PTPRT: variants seen among roughly 807,000 people sequenced by gnomAD.
The protein encoded by PTPRT is receptor-type tyrosine-protein phosphatase T.
In PTPRT, 56 loss-of-function variants were observed where a neutral mutation model predicts 176.8. The observed-to-expected ratio is 0.32, with a 90% CI of 0.26 to 0.40. The LOEUF (loss-of-function observed/expected upper bound fraction) is 0.40, where lower values mean the gene tolerates loss of function less well. Among genes scored for constraint, PTPRT ranks in the 10% least tolerant of loss-of-function variants. The pLI, the probability that PTPRT is intolerant of heterozygous loss-of-function variation, is 1.00. For synonymous variants in PTPRT, 783 were observed against 739.0 expected (o/e 1.06, Z -0.96); for missense variants, 1,540 against 1,908.2 (o/e 0.81, Z 3.60).
chr20:42,172,617 G>C (rs887271469), intron 16 of PTPRT, among the ~76,000 whole-genome samples: 1 of 152,144 alleles, frequency 6.6e-6, no homozygotes, highest in Non-Finnish European at 1.5e-5. Context: ...CCTTCACCCA[G>C]TTTTCCCCAA....
Position 42,104,600 on chromosome 20 carries a change from G to A in PTPRT, c.3509C>T (p.Thr1170Ile), listed in dbSNP as rs879765348. The A allele has an allele frequency of 6.2e-7, 1 of 1,613,000 alleles. No individual in the cohort carries two copies. Among genetic ancestry groups the A allele is most frequent in the Non-Finnish European group, 8.5e-7 (1 of 1,179,042 alleles). Reference sequence around the variant, plus strand: ...TTCATCTTTGATTTGGCTGGAGTTTGTCTGGGGGTCCAGCCTGCTGATATT... The same window carrying A: ...TTCATCTTTGATTTGGCTGGAGTTTATCTGGGGGTCCAGCCTGCTGATATT... ...YYNISRLDPQTNSSQIKDEFQ... is the reference protein window; with the variant it reads ...YYNISRLDPQINSSQIKDEFQ... The change falls in exon 25 of 31, where the codon ACA becomes ATA. Residue 1170 changes from threonine to isoleucine, a missense_variant. Coordinates refer to ENST00000373187, the MANE Select transcript of PTPRT (RefSeq NM_007050.6).
rs79059055 is a variant in PTPRT at position 42,477,393 on chromosome 20, ATTT to A, written c.1154-4834_1154-4832del. On this transcript the variant is annotated intron_variant, in intron 7 of 30. Coordinates refer to ENST00000373187, the MANE Select transcript of PTPRT (RefSeq NM_007050.6). ...CTTTAAGGGTAATATATATATATATATTTTTTTTGCATTCAAGCAAGAGAATAT... is the reference window on the plus strand; with the variant it reads ...CTTTAAGGGTAATATATATATATATATTTTTGCATTCAAGCAAGAGAATAT... 7.9e-3 allele frequency among the ~76,000 whole-genome samples: 1,201 copies of A among 151,302 alleles called. 11 individuals are homozygous for A. Among genetic ancestry groups the A allele is most frequent in the Middle Eastern group, 0.014 (4 of 292 alleles).
intron 6 of PTPRT, among the ~76,000 whole-genome samples, chr20:42,739,607 G>C (rs151176180): frequency 6.6e-6 from 1 of 152,312 alleles, no homozygotes; most frequent in East Asian, 1.9e-4. Context: ...GGCAGAAAGA[G>C]AAGCTGAGAG....
At chr20:43,188,742 C>G in intron 1 of PTPRT, among the ~76,000 whole-genome samples, 1 of 89,706 alleles carries the variant, frequency 1.1e-5, no homozygotes, top group African/African-American at 4.1e-5. Flanking sequence ...CCCTCCGCCG[C>G]TACTCTTGGG....
chr20:42,088,020 C>A (rs1374198631), intron 27 of PTPRT, among the ~76,000 whole-genome samples: 1 of 151,832 alleles, frequency 6.6e-6, no homozygotes, highest in Non-Finnish European at 1.5e-5. Context: ...CAGAGAGGAG[C>A]AAGGCATGCT....
chr20:42,898,509 A>T (rs1240207608), intron 1 of PTPRT, among the ~76,000 whole-genome samples: 1 of 152,028 alleles, frequency 6.6e-6, no homozygotes, highest in Non-Finnish European at 1.5e-5. Flanking sequence ...CCTTCTAAGA[A>T]TCCTTTGACT....
At chr20:42,840,595 T>C (rs2078261219) in intron 2 of PTPRT, among the ~76,000 whole-genome samples, 1 of 152,086 alleles carries the variant, frequency 6.6e-6, no homozygotes. Flanking sequence ...GTAATTTTAG[T>C]AGAGACGGGG....
chr20:42,151,436 T>C (rs1299641453), intron 17 of PTPRT, among the ~76,000 whole-genome samples: 4 of 152,212 alleles, frequency 2.6e-5, no homozygotes, highest in African/African-American at 7.2e-5. Context: ...CTGAGAATGA[T>C]GGTTTCCAGC....
intron 1 of PTPRT, among the ~76,000 whole-genome samples, chr20:43,151,294 C>G (rs1372952504): frequency 8.8e-6 from 1 of 114,208 alleles, no homozygotes; most frequent in East Asian, 2.9e-4. Context: ...ACCTGGGCAA[C>G]AGGAGCAAAA....
At chr20:42,948,010 T>C (rs1339405631) in intron 1 of PTPRT, among the ~76,000 whole-genome samples, 1 of 152,194 alleles carries the variant, frequency 6.6e-6, no homozygotes. Context: ...AATGAATGAA[T>C]GAGTGAACCC....
intron 14 of PTPRT, among the ~76,000 whole-genome samples, chr20:42,241,345 G>A (rs1261800425): frequency 6.6e-6 from 1 of 152,154 alleles, no homozygotes; most frequent in Non-Finnish European, 1.5e-5. Flanking sequence ...AACTGTGTTT[G>A]TGGTTTGGGC....
intron 1 of PTPRT, among the ~76,000 whole-genome samples, chr20:42,905,058 T>C (rs147358782): frequency 0.042 from 6,428 of 152,170 alleles, 339 homozygotes; most frequent in African/African-American, 0.12. Context: ...AAAGCCAAAA[T>C]AGACAAATGG....
chr20:42,609,672 C>T (rs2073941141), intron 7 of PTPRT, among the ~76,000 whole-genome samples: 1 of 152,150 alleles, frequency 6.6e-6, no homozygotes, highest in African/African-American at 2.4e-5. Context: ...AGCTGCAAAC[C>T]AGAGCCTTCC....
In PTPRT at chr20:42,429,139, C is replaced by T. The variant is rs1224392546; in HGVS notation, c.1560+19081G>A. Among the ~76,000 whole-genome samples, 4 of 152,144 alleles carry T rather than the reference C, an allele frequency of 2.6e-5. No homozygotes were observed. The East Asian group carries it at 5.8e-4, about 22-fold the overall frequency. On this transcript the variant is annotated intron_variant, in intron 9 of 30. Coordinates refer to ENST00000373187, the MANE Select transcript of PTPRT (RefSeq NM_007050.6). ...GTCATCTCAGGCAAGTAACTTCCTTCTTCTAAGGCTCAGTATTAAATGGGG... is the reference window on the plus strand; with the variant it reads ...GTCATCTCAGGCAAGTAACTTCCTTTTTCTAAGGCTCAGTATTAAATGGGG...
At chr20:43,046,096 T>C (rs1600671757) in intron 1 of PTPRT, among the ~76,000 whole-genome samples, 1 of 152,092 alleles carries the variant, frequency 6.6e-6, no homozygotes, top group African/African-American at 2.4e-5. Flanking sequence ...TAAGATTTTA[T>C]TGCAAGTGCA....
chr20:43,161,884 C>T (rs956350793), intron 1 of PTPRT, among the ~76,000 whole-genome samples: 2 of 152,138 alleles, frequency 1.3e-5, no homozygotes, highest in South Asian at 2.1e-4. Flanking sequence ...GTCCTCAGAT[C>T]GTGGCTACAT....
At chr20:42,267,109 C>A (rs927705563) in intron 13 of PTPRT, among the ~76,000 whole-genome samples, 2 of 152,068 alleles carry the variant, frequency 1.3e-5, no homozygotes, top group Non-Finnish European at 2.9e-5. Context: ...GAAAGTAATA[C>A]CTGTTCAGCA....
intron 7 of PTPRT, among the ~76,000 whole-genome samples, chr20:42,483,902 G>A (rs1200372731): frequency 1.3e-5 from 2 of 152,248 alleles, no homozygotes; most frequent in Non-Finnish European, 2.9e-5. Flanking sequence ...GCGATAGAGG[G>A]AGCCTGCGGG....
At position 42,665,325 on chromosome 20, in the gene PTPRT, C is replaced by A. The variant is rs529629440; in HGVS notation, c.1153+12541G>T. Among the ~76,000 whole-genome samples the A allele has an allele frequency of 1.3e-4, 20 of 152,286 alleles. 1 individual carries two copies. The South Asian group carries it at 3.9e-3, about 30-fold the overall frequency. ...TTCTCAAAAGAAGACATTTATGCAGCCAAAAGATGTGAAAAAATGCTCATC... is the reference window on the plus strand; with the variant it reads ...TTCTCAAAAGAAGACATTTATGCAGACAAAAGATGTGAAAAAATGCTCATC... On this transcript the variant is annotated intron_variant, in intron 7 of 30. Coordinates refer to ENST00000373187, the MANE Select transcript of PTPRT (RefSeq NM_007050.6).
Sources: gnomAD v4.1 joint callset for allele counts (sites outside exome capture counted in the v4.1 genomes callset) on GRCh38, gnomAD v4.1.1 for gene constraint, MANE v1.5 for transcripts, NCBI Gene and HGNC (gene_info 2026-07-23, HGNC 2026-07-21) for gene names.